FANCA: variants seen among roughly 807,000 people sequenced by gnomAD.
FANCA encodes the protein Fanconi anemia group A protein.
FANCA carries 236 observed loss-of-function variants against 194.3 expected under a neutral mutation model. The ratio of observed to expected loss-of-function variants is 1.21; its 90% CI spans 1.09 to 1.35. The LOEUF (loss-of-function observed/expected upper bound fraction) is 1.35, where lower values mean the gene tolerates loss of function less well. FANCA is among the 40% of genes most tolerant of loss of function. The pLI is 0.00. For missense variants in FANCA, 2,628 were observed against 1,813.9 expected, an observed-to-expected ratio of 1.45 and a Z score of -8.15; for synonymous variants, 1,014 against 715.8, an observed-to-expected ratio of 1.42 and a Z score of -6.65.
chr16:89,785,137 G>A lies in FANCA; in HGVS notation c.1360-173C>T, dbSNP rs566538584. ...TGTGAAGCCCACCTAGGCAGTGTCC[G>A]GGCGGCTGCTGTAGTCGGCCTCCTA... On this transcript the variant is annotated intron_variant, in intron 14 of 42. Coordinates refer to ENST00000389301, the MANE Select transcript of FANCA (RefSeq NM_000135.4). Among the ~76,000 whole-genome samples, 19 of 152,312 alleles carry A rather than the reference G, an allele frequency of 1.2e-4. No homozygotes were observed. In the East Asian group the frequency reaches 1.5e-3, roughly 12 times the overall value.
At chr16:89,814,653 A>G (rs2041031006) in intron 2 of FANCA, 40 bp from the exon 3 acceptor site, 2 of 1,501,258 alleles carry the variant, frequency 1.3e-6, no homozygotes, top group East Asian at 4.5e-5. Context: ...TAAAAAATTC[A>G]AGCTCCAGGC....
chr16:89,767,863 T>C (rs937350025), intron 26 of FANCA, among the ~76,000 whole-genome samples: 2 of 152,184 alleles, frequency 1.3e-5, no homozygotes, highest in African/African-American at 4.8e-5. Context: ...TTTAATTTTT[T>C]TTAGTAGAGA....
intron 6 of FANCA, among the ~76,000 whole-genome samples, chr16:89,805,902 T>A (rs572283348): frequency 4.6e-5 from 7 of 152,236 alleles, no homozygotes; most frequent in Non-Finnish European, 1.0e-4. Flanking sequence ...TCCTCTTTGT[T>A]TTATGGCCTG....
chr16:89,743,935 T>C (rs1206106456), intron 36 of FANCA, among the ~76,000 whole-genome samples: 11 of 152,144 alleles, frequency 7.2e-5, no homozygotes, highest in African/African-American at 2.4e-4. Flanking sequence ...TTCTCTCTCA[T>C]TGCCCATGCT....
intron 30 of FANCA, among the ~76,000 whole-genome samples, chr16:89,755,485 G>A (rs1056368912): frequency 3.3e-5 from 5 of 152,156 alleles, no homozygotes; most frequent in Non-Finnish European, 5.9e-5. Context: ...GATTACAGGC[G>A]TGAGCCACCG....
intron 26 of FANCA, among the ~76,000 whole-genome samples, chr16:89,767,931 C>T (rs925455234): frequency 6.6e-6 from 1 of 152,126 alleles, no homozygotes; most frequent in Non-Finnish European, 1.5e-5. Context: ...AGTGATCTGC[C>T]CACCTCAGCC....
In FANCA at chr16:89,742,838, T is replaced by C. The variant is rs1051421921; in HGVS notation, c.3727A>G (p.Arg1243Gly). ...AIQQVREENI[R>G]KQLKKLDCER... ...CAGTCCAGCTTCTTTAGCTGCTTCC[T>C]GATGTTTTCTTCCCTGACTTGTTGA... The change falls in exon 37 of 43, where the codon AGG (arginine) becomes GGG (glycine). Residue 1243 changes from arginine to glycine, a missense_variant. Coordinates refer to ENST00000389301, the MANE Select transcript of FANCA (RefSeq NM_000135.4). The C allele has an allele frequency of 3.1e-6, 5 of 1,614,054 alleles. No individual in the cohort carries two copies. In the African/African-American group the frequency reaches 6.7e-5, roughly 22 times the overall value.
chr16:89,773,379 C>G lies in FANCA; in HGVS notation c.1906G>C (p.Ala636Pro), dbSNP rs1236146369. 1 of 1,549,870 alleles carries G rather than the reference C, an allele frequency of 6.5e-7. No homozygotes were observed. Among genetic ancestry groups the G allele is most frequent in the East Asian group, 2.4e-5 (1 of 40,910 alleles). The part of the protein sequence containing the change: ...SAAEEKPEDA[A>P]LGVRAEPNSA... ...TTGGGTTCTGCCCTCACTCCCAGGG[C>G]TGCATCTGTGAGAAGAAGGAAGAAA... The change falls in exon 22 of 43, where the codon GCC becomes CCC. Residue 636 changes from alanine to proline, a missense_variant. Ala to Pro is a conservative substitution (Grantham distance 27). Coordinates refer to ENST00000389301, the MANE Select transcript of FANCA (RefSeq NM_000135.4).
At chr16:89,782,441 G>A (rs899992077) in intron 17 of FANCA, among the ~76,000 whole-genome samples, 16 of 151,770 alleles carry the variant, frequency 1.1e-4, no homozygotes, top group Admixed American at 2.0e-4. Context: ...AACCCAGGAG[G>A]CAGAGGTTGC....
At chr16:89,739,733 G>T (rs915634612) in intron 39 of FANCA, 180 bp from the exon 40 acceptor site, 17 of 1,496,260 alleles carry the variant, frequency 1.1e-5, no homozygotes, top group Admixed American at 2.1e-5. Context: ...AGGATGGGGG[G>T]GTCGACCTCT....
At position 89,770,170 on chromosome 16, in the gene FANCA, T is replaced by G. The variant is rs2039275496; in HGVS notation, c.2312A>C (p.His771Pro). The change falls in exon 25 of 43, where the codon CAC becomes CCC. Residue 771 changes from histidine (H) to proline (P), a missense_variant. Transcript: ENST00000389301. The part of the protein sequence containing the change: ...VLTRLCQLLR[H>P]QGPSLSAPHV... ...CCCCATGAAGGAGAGCCTCACCTGG[T>G]GACGGAGCAGCTGGCAGAGCCGGGT... 1 of 1,588,648 alleles carries G rather than the reference T, an allele frequency of 6.3e-7. No individual in the cohort carries two copies. The highest frequency in any genetic ancestry group is 8.6e-7 in the Non-Finnish European group (1 of 1,167,988).
chr16:89,759,116 C>T (rs537905815), intron 29 of FANCA, among the ~76,000 whole-genome samples: 7 of 151,400 alleles, frequency 4.6e-5, no homozygotes, highest in African/African-American at 7.3e-5. Context: ...GTTAGGAGAT[C>T]GAGACCATCC....
Position 89,762,036 on chromosome 16 carries a change from C to A in FANCA, c.2779-14G>T. On this transcript the variant is annotated splice_polypyrimidine_tract_variant and intron_variant, in intron 28 of 42. Transcript: ENST00000389301. ...TTGGTAAGTTAACTGAGAAAGAGAG[C>A]AAGCAATTCAATACAATGAGGACAG... The A allele has an allele frequency of 6.2e-7, 1 of 1,602,582 alleles. No individual in the cohort carries two copies. The highest frequency in any genetic ancestry group is 1.7e-4 in the Middle Eastern group (1 of 6,054).
chr16:89,803,241 C>G lies in FANCA; in HGVS notation c.792+18G>C. ...ACGGCTCCTTCCGCTAAACTCTTCACTTGACTTTTCCTCCTACCTGCGGCA... is the reference window on the plus strand; with the variant it reads ...ACGGCTCCTTCCGCTAAACTCTTCAGTTGACTTTTCCTCCTACCTGCGGCA... On this transcript the variant is annotated intron_variant, in intron 8 of 42. Transcript: ENST00000389301. The G allele has an allele frequency of 1.2e-6, 2 of 1,612,798 alleles. No individual in the cohort carries two copies. The highest frequency in any genetic ancestry group is 8.5e-7 in the Non-Finnish European group (1 of 1,178,780).
At chr16:89,750,390 G>A (rs1487260197) in intron 31 of FANCA, among the ~76,000 whole-genome samples, 3 of 152,180 alleles carry the variant, frequency 2.0e-5, no homozygotes, top group Non-Finnish European at 4.4e-5. Flanking sequence ...GGCTGAGGCA[G>A]GAGAATGGCG....
chr16:89,798,733 G>A (rs978777361), intron 10 of FANCA: 10 of 1,347,856 alleles, frequency 7.4e-6, no homozygotes, highest in African/African-American at 7.3e-5. Flanking sequence ...AATCTGAGCA[G>A]GATCTGTGGA....
chr16:89,761,669 G>A (rs137944595), intron 29 of FANCA, among the ~76,000 whole-genome samples: 63 of 152,294 alleles, frequency 4.1e-4, no homozygotes, highest in African/African-American at 1.4e-3. Flanking sequence ...CCGTTGCACA[G>A]GCTAAAGTGC....
In FANCA at chr16:89,773,398, G is replaced by A; in HGVS notation, c.1901-14C>T. ...CCAGGGCTGCATCTGTGAGAAGAAG[G>A]AAGAAACCAGATGGAAAGACACTCA... On this transcript the variant is annotated splice_polypyrimidine_tract_variant and intron_variant, in intron 21 of 42. Transcript: ENST00000389301. 3 of 1,526,486 alleles carry A rather than the reference G, an allele frequency of 2.0e-6. No homozygotes were observed. Among genetic ancestry groups the A allele is most frequent in the South Asian group, 1.2e-5 (1 of 83,556 alleles). 94.6% of individuals were successfully genotyped at this position (1,526,486 alleles called of 1,614,324 possible).
At chr16:89,782,791 A>T in intron 17 of FANCA, 68 bp downstream of exon 17, 1 of 1,427,500 alleles carries the variant, frequency 7.0e-7, no homozygotes, top group Non-Finnish European at 9.9e-7. Context: ...CTCAAGAGTC[A>T]AAAGAAACTG....
Sources: allele counts gnomAD v4.1 joint callset (sites outside exome capture counted in the v4.1 genomes callset), GRCh38; gene constraint gnomAD v4.1.1; transcripts MANE v1.5; gene names NCBI Gene and HGNC (gene_info 2026-07-23, HGNC 2026-07-21).